MBD5: variants seen among roughly 807,000 people sequenced by gnomAD.
MBD5 encodes the protein methyl-CpG binding domain protein 5.
MBD5 carries 13 observed loss-of-function variants against 117.3 expected under a neutral mutation model. That is an observed-to-expected ratio of 0.11 (90% CI 0.07 to 0.18). MBD5 has a LOEUF of 0.18. Ranked by LOEUF, MBD5 falls within the 10% of genes least tolerant of loss-of-function variation. The pLI, the probability that MBD5 is intolerant of heterozygous loss-of-function variation, is 1.00. For synonymous variants in MBD5, 727 were observed against 766.4 expected (o/e 0.95, Z 0.85); for missense variants, 1,879 against 2,093.8 (o/e 0.90, Z 2.00).
At chr2:148,504,403 GA>G (rs1681966227) in intron 12 of MBD5, among the ~76,000 whole-genome samples, 1 of 152,172 alleles carries the variant, frequency 6.6e-6, no homozygotes, top group Non-Finnish European at 1.5e-5. Context: ...GCCATTTGCA[GA>G]TGCGGACACT....
At chr2:148,062,989 A>G (rs1327508423) in intron 1 of MBD5, among the ~76,000 whole-genome samples, 2 of 152,158 alleles carry the variant, frequency 1.3e-5, no homozygotes, top group Non-Finnish European at 2.9e-5. Context: ...TTCTCAGCAC[A>G]TATTTGCGGA....
At chr2:148,492,160 G>A (rs540982685) in intron 11 of MBD5, among the ~76,000 whole-genome samples, 2 of 151,462 alleles carry the variant, frequency 1.3e-5, no homozygotes, top group African/African-American at 2.4e-5. Context: ...ACTGATGTTA[G>A]GGGAGATGTA....
intron 1 of MBD5, among the ~76,000 whole-genome samples, chr2:148,111,622 A>G (rs1696505059): frequency 6.6e-6 from 1 of 152,182 alleles, no homozygotes; most frequent in Non-Finnish European, 1.5e-5. Context: ...TTATCATTAT[A>G]TTATCACTAT....
At chr2:148,306,144 C>T (rs1386430815) in intron 3 of MBD5, among the ~76,000 whole-genome samples, 2 of 152,150 alleles carry the variant, frequency 1.3e-5, no homozygotes, top group African/African-American at 4.8e-5. Context: ...GATTTTGCCA[C>T]CTATTACGCC....
In MBD5 at chr2:148,159,921, C is replaced by A. The variant is rs376345675; in HGVS notation, c.-924-18779C>A. On this transcript the variant is annotated intron_variant, in intron 1 of 13. Transcript: ENST00000642680. ...GTCTGAACTTGCACTGGCTTTAGTACCCTTCTTAACATGGTGTTTCAGGCA... is the reference window on the plus strand; with the variant it reads ...GTCTGAACTTGCACTGGCTTTAGTAACCTTCTTAACATGGTGTTTCAGGCA... 3.3e-5 allele frequency among the ~76,000 whole-genome samples: 5 copies of A among 152,120 alleles called. No individual in the cohort carries two copies. In the East Asian group the frequency reaches 9.6e-4, roughly 29 times the overall value.
chr2:148,207,898 T>A (rs1338445828), intron 2 of MBD5, among the ~76,000 whole-genome samples: 1 of 152,226 alleles, frequency 6.6e-6, no homozygotes, highest in Non-Finnish European at 1.5e-5. Flanking sequence ...TAAAGCATGT[T>A]GTTTGTGTAT....
At chr2:148,140,504 T>C (rs1472513971) in intron 1 of MBD5, among the ~76,000 whole-genome samples, 1 of 152,198 alleles carries the variant, frequency 6.6e-6, no homozygotes, top group Admixed American at 6.5e-5. Flanking sequence ...GTTAATCTCT[T>C]GAGGAAATTA....
chr2:148,291,524 AT>A (rs909811225), intron 3 of MBD5, among the ~76,000 whole-genome samples: 66 of 152,044 alleles, frequency 4.3e-4, no homozygotes, highest in Middle Eastern at 3.4e-3. Flanking sequence ...AAAATAACCA[AT>A]TTTTTTTAAC....
intron 2 of MBD5, among the ~76,000 whole-genome samples, chr2:148,228,507 G>T (rs1699896811): frequency 1.3e-5 from 2 of 152,172 alleles, no homozygotes; most frequent in Non-Finnish European, 2.9e-5. Context: ...GCTGGATTTG[G>T]TTTGCCAGTA....
At chr2:148,244,424 A>G (rs750644609) in intron 3 of MBD5, 8 of 152,174 alleles carry the variant, frequency 5.3e-5, no homozygotes, top group Non-Finnish European at 1.0e-4. Context: ...CATGTGTATA[A>G]GAAGCAGAAT....
intron 3 of MBD5, among the ~76,000 whole-genome samples, chr2:148,278,780 A>G (rs1489070392): frequency 6.6e-6 from 1 of 152,180 alleles, no homozygotes. Flanking sequence ...GAAAGCCAAA[A>G]TACTCACTCA....
At chr2:148,506,901 C>A (rs1417825800) in intron 12 of MBD5, among the ~76,000 whole-genome samples, 1 of 152,144 alleles carries the variant, frequency 6.6e-6, no homozygotes, top group Admixed American at 6.5e-5. Flanking sequence ...TTCTTGAATT[C>A]ATAGAGCTTT....
chr2:148,431,831 G>A (rs1206800261), intron 4 of MBD5, among the ~76,000 whole-genome samples: 1 of 151,940 alleles, frequency 6.6e-6, no homozygotes, highest in East Asian at 1.9e-4. Flanking sequence ...TTTGAATAGC[G>A]CTGCAGTGGA....
intron 7 of MBD5, among the ~76,000 whole-genome samples, chr2:148,467,232 A>G (rs1707291907): frequency 1.3e-5 from 2 of 152,196 alleles, no homozygotes. Context: ...TTCATTTTAA[A>G]AGGCATAACT....
chr2:148,415,550 A>T (rs1381674158), intron 4 of MBD5, among the ~76,000 whole-genome samples: 1 of 152,148 alleles, frequency 6.6e-6, no homozygotes, highest in Non-Finnish European at 1.5e-5. Flanking sequence ...TGATATTATC[A>T]AACATGTTTT....
intron 13 of MBD5, chr2:148,512,327 T>C (rs1682244504): frequency 5.6e-6 from 1 of 179,336 alleles, no homozygotes; most frequent in African/African-American, 2.4e-5. Context: ...ATAGTGGTAT[T>C]CTCTTTTCCA....
intron 2 of MBD5, among the ~76,000 whole-genome samples, chr2:148,188,950 G>T (rs1462910604): frequency 4.0e-5 from 6 of 151,566 alleles, no homozygotes; most frequent in Non-Finnish European, 8.8e-5. Context: ...CCTGGGAAGC[G>T]CAAGGGGTCA....
intron 8 of MBD5, chr2:148,472,293 A>C (rs1044108354): frequency 2.0e-5 from 3 of 152,092 alleles, no homozygotes; most frequent in African/African-American, 4.8e-5. Context: ...GTGTCAGAAA[A>C]GTGTGAGCAT....
chr2:148,186,423 G>T (rs996628840), intron 2 of MBD5, among the ~76,000 whole-genome samples: 5 of 152,094 alleles, frequency 3.3e-5, no homozygotes, highest in African/African-American at 1.2e-4. Context: ...TGAGTAAAAG[G>T]AAATAAAAAA....
Sources: gnomAD v4.1 joint callset for allele counts (sites outside exome capture counted in the v4.1 genomes callset) on GRCh38, gnomAD v4.1.1 for gene constraint, MANE v1.5 for transcripts, NCBI Gene and HGNC (gene_info 2026-07-23, HGNC 2026-07-21) for gene names.